Variants in HHLA2 observed in about 807,000 individuals in gnomAD.
The protein encoded by HHLA2 is HERV-H LTR-associating protein 2.
Under a neutral mutation model 45.9 loss-of-function variants are expected in HHLA2, and 48 were observed. The ratio of observed to expected loss-of-function variants is 1.05; its 90% CI spans 0.83 to 1.33. The LOEUF (loss-of-function observed/expected upper bound fraction) is 1.33. HHLA2 is among the 40% of genes most tolerant of loss of function. The pLI, the probability that HHLA2 is intolerant of heterozygous loss-of-function variation, is 0.00. For missense variants in HHLA2, 462 were observed against 494.3 expected (o/e 0.93, Z 0.62); for synonymous variants, 161 against 173.9 (o/e 0.93, Z 0.59).
intron 2 of HHLA2, chr3:108,325,801 A>AC (rs1173595761): frequency 6.4e-6 from 2 of 313,868 alleles, no homozygotes; most frequent in Non-Finnish European, 1.2e-5. Context: ...AGTTTCCTCT[A>AC]CTACCAAAGT....
At chr3:108,372,260 G>C (rs1483767593) in intron 8 of HHLA2, among the ~76,000 whole-genome samples, 1 of 152,082 alleles carries the variant, frequency 6.6e-6, no homozygotes, top group Non-Finnish European at 1.5e-5. Flanking sequence ...CAGAAATAAA[G>C]ATGTTCTTTG....
intron 8 of HHLA2, among the ~76,000 whole-genome samples, 191 bp from the exon 8 acceptor site, chr3:108,375,559 C>G (rs1474701971): frequency 6.6e-6 from 1 of 151,732 alleles, no homozygotes; most frequent in Non-Finnish European, 1.5e-5. Flanking sequence ...CGAACAAATT[C>G]AAAAGCTAGC....
At chr3:108,311,472 T>C (rs1244941712) in intron 2 of HHLA2, among the ~76,000 whole-genome samples, 1 of 152,144 alleles carries the variant, frequency 6.6e-6, no homozygotes, top group Non-Finnish European at 1.5e-5. Flanking sequence ...GAGAGGAGCA[T>C]CATGGTAAAT....
chr3:108,300,939 T>C (rs1247314524), intron 1 of HHLA2, among the ~76,000 whole-genome samples: 1 of 152,206 alleles, frequency 6.6e-6, no homozygotes, highest in Non-Finnish European at 1.5e-5. Flanking sequence ...TATTTACGTT[T>C]AGCTTCTAAC....
exon 7 of HHLA2, chr3:108,357,971 GGCTTAC>G: frequency 1.2e-6 from 2 of 1,613,736 alleles, no homozygotes; most frequent in Non-Finnish European, 1.7e-6. Context: ...TCTCTGTCCT[GGCTTAC>G]TATCTGAGCT....
Position 108,347,448 on chromosome 3 carries a change from G to A in HHLA2, c.-26-4340G>A, listed in dbSNP as rs1576151095. On this transcript the variant is annotated intron_variant, in intron 3 of 10. Transcript: ENST00000619531. ...GGAATGTATTTTGTGGGCTGCTGTG[G>A]GAAAGGATTGGGGGACAGACAGGAC... 2.0e-5 allele frequency among the ~76,000 whole-genome samples: 3 copies of A among 152,258 alleles called. No homozygotes were observed. In the South Asian group the frequency reaches 6.2e-4, roughly 32 times the overall value.
intron 2 of HHLA2, among the ~76,000 whole-genome samples, chr3:108,325,304 C>A (rs899774169): frequency 1.3e-5 from 2 of 152,040 alleles, no homozygotes; most frequent in African/African-American, 4.8e-5. Context: ...ACTAAAATAA[C>A]CTCTAATGCA....
At chr3:108,321,113 G>C (rs77845103) in intron 2 of HHLA2, among the ~76,000 whole-genome samples, 3 of 35,706 alleles carry the variant, frequency 8.4e-5, no homozygotes, top group Admixed American at 2.4e-4. Context: ...AAAAAAAAAA[G>C]ACTGTGCCAA....
intron 6 of HHLA2, among the ~76,000 whole-genome samples, chr3:108,355,803 T>C (rs1245156231): frequency 6.6e-6 from 1 of 152,214 alleles, no homozygotes; most frequent in African/African-American, 2.4e-5. Context: ...AATCTTACAA[T>C]TAAACAAAAT....
intron 3 of HHLA2, 78 bp from the exon 3 acceptor site, chr3:108,351,710 G>T: frequency 1.3e-6 from 1 of 787,766 alleles, no homozygotes; most frequent in South Asian, 1.8e-5. Context: ...ACAATTATTT[G>T]TATGAATGTA....
intron 2 of HHLA2, among the ~76,000 whole-genome samples, chr3:108,317,599 G>T (rs1214212639): frequency 1.3e-5 from 2 of 149,610 alleles, no homozygotes; most frequent in Non-Finnish European, 3.0e-5. Context: ...TTTTGAGATG[G>T]AGTCTCACTC....
chr3:108,343,164 A>T lies in HHLA2; in HGVS notation c.-26-8624A>T, dbSNP rs148780998. On this transcript the variant is annotated intron_variant, in intron 3 of 10. Transcript: ENST00000619531. ...GTCCTGTTTCCTAGGAGGTCAAGATAAGTTGGAGGGCATTTTATTTTTTCT... is the reference window on the plus strand; with the variant it reads ...GTCCTGTTTCCTAGGAGGTCAAGATTAGTTGGAGGGCATTTTATTTTTTCT... Among the ~76,000 whole-genome samples the T allele has an allele frequency of 2.7e-3, 409 of 152,322 alleles. 4 individuals are homozygous for T. The highest frequency in any genetic ancestry group is 9.4e-3 in the African/African-American group (392 of 41,570).
At chr3:108,322,357 T>A (rs1576116632) in intron 2 of HHLA2, among the ~76,000 whole-genome samples, 1 of 152,238 alleles carries the variant, frequency 6.6e-6, no homozygotes, top group Non-Finnish European at 1.5e-5. Context: ...TGTTTCTCCA[T>A]GGATTTCTCC....
In HHLA2 at chr3:108,362,647, A is replaced by G. The variant is rs141659404; in HGVS notation, c.1108+201A>G. On this transcript the variant is annotated intron_variant, in intron 8 of 10. Transcript: ENST00000619531. Reference sequence around the variant, plus strand: ...TTCTACTTCTAGGAATTTATCTCACATTAAATGAGCAGAGGTACACCAAAC... The same window carrying G: ...TTCTACTTCTAGGAATTTATCTCACGTTAAATGAGCAGAGGTACACCAAAC... Among the ~76,000 whole-genome samples the G allele has an allele frequency of 5.3e-5, 8 of 152,330 alleles. No homozygotes were observed. In the East Asian group the frequency reaches 1.5e-3, roughly 29 times the overall value.
intron 3 of HHLA2, among the ~76,000 whole-genome samples, chr3:108,341,439 C>T (rs1418690179): frequency 2.6e-5 from 4 of 152,168 alleles, no homozygotes; most frequent in African/African-American, 9.6e-5. Context: ...TCTAATGGCT[C>T]ATAACTAACG....
intron 8 of HHLA2, among the ~76,000 whole-genome samples, chr3:108,366,458 G>A (rs759402238): frequency 6.6e-6 from 1 of 152,104 alleles, no homozygotes; most frequent in Non-Finnish European, 1.5e-5. Flanking sequence ...TTGTATCTCT[G>A]TCAGGTTTTG....
chr3:108,375,120 C>G (rs1035896978), intron 8 of HHLA2, among the ~76,000 whole-genome samples: 26 of 151,832 alleles, frequency 1.7e-4, no homozygotes, highest in Admixed American at 3.9e-4. Flanking sequence ...GAAAATGTGA[C>G]ACATATACAC....
At chr3:108,297,007 G>A (rs1023053512) in intron 1 of HHLA2, among the ~76,000 whole-genome samples, 4 of 152,162 alleles carry the variant, frequency 2.6e-5, no homozygotes, top group Non-Finnish European at 4.4e-5. Context: ...GATGCACTGC[G>A]TTCCATTCTG....
chr3:108,349,109 G>T (rs1040777952), intron 3 of HHLA2, among the ~76,000 whole-genome samples: 6 of 151,910 alleles, frequency 3.9e-5, no homozygotes, highest in African/African-American at 1.5e-4. Context: ...AAATTCAAAA[G>T]CTAGCAGAAG....
Sources: gnomAD v4.1 joint callset for allele counts (sites outside exome capture counted in the v4.1 genomes callset) on GRCh38, gnomAD v4.1.1 for gene constraint, MANE v1.5 for transcripts, NCBI Gene and HGNC (gene_info 2026-07-23, HGNC 2026-07-21) for gene names.